ZFPM2: variants seen among roughly 807,000 people sequenced by gnomAD.
The protein encoded by ZFPM2 is zinc finger protein ZFPM2.
In ZFPM2, 20 loss-of-function variants were observed where a neutral mutation model predicts 98.6. The ratio of observed to expected loss-of-function variants is 0.20; its 90% CI spans 0.14 to 0.29. The LOEUF is 0.29. Among genes scored for constraint, ZFPM2 ranks in the 10% least tolerant of loss-of-function variants. ZFPM2 has a pLI of 1.00. For missense variants in ZFPM2, 1,310 were observed against 1,388.6 expected (o/e 0.94, Z 0.90); for synonymous variants, 518 against 502.7 (o/e 1.03, Z -0.41).
rs865968563 is a variant in ZFPM2 at position 105,665,728 on chromosome 8, C to T, written c.532+31371C>T. ...CTATTCCTGGCTCCCCATTTATTAG[C>T]GATGAGGCCTAATGTAAATTATCAA... On this transcript the variant is annotated intron_variant, in intron 5 of 7. Coordinates refer to ENST00000407775, the MANE Select transcript of ZFPM2 (RefSeq NM_012082.4). Among the ~76,000 whole-genome samples the T allele has an allele frequency of 2.6e-5, 4 of 152,228 alleles. No individual in the cohort carries two copies. In the South Asian group the frequency reaches 8.3e-4, roughly 32 times the overall value.
At chr8:105,784,272 CT>C (rs1176037694) in intron 5 of ZFPM2, among the ~76,000 whole-genome samples, 5 of 152,170 alleles carry the variant, frequency 3.3e-5, no homozygotes, top group African/African-American at 1.2e-4. Flanking sequence ...GAAACTGGCT[CT>C]CCTGCCCCTT....
At chr8:105,400,454 C>T (rs1811317988) in intron 1 of ZFPM2, among the ~76,000 whole-genome samples, 1 of 152,042 alleles carries the variant, frequency 6.6e-6, no homozygotes, top group Non-Finnish European at 1.5e-5. Context: ...TGATATTCCC[C>T]TTCCTGTGTC....
At chr8:105,344,242 C>T (rs1401599092) in intron 1 of ZFPM2, among the ~76,000 whole-genome samples, 1 of 152,082 alleles carries the variant, frequency 6.6e-6, no homozygotes, top group African/African-American at 2.4e-5. Flanking sequence ...TATCACCTAT[C>T]AAATCCTTAT....
At chr8:105,407,003 G>A (rs1811473873) in intron 1 of ZFPM2, among the ~76,000 whole-genome samples, 1 of 151,828 alleles carries the variant, frequency 6.6e-6, no homozygotes, top group African/African-American at 2.4e-5. Context: ...GTGGTATGAT[G>A]TGCTGCTAGG....
chr8:105,499,020 C>T (rs1173418846), intron 3 of ZFPM2, among the ~76,000 whole-genome samples: 1 of 152,070 alleles, frequency 6.6e-6, no homozygotes, highest in Non-Finnish European at 1.5e-5. Flanking sequence ...AGACTTCTCC[C>T]CATTTCTGAG....
intron 5 of ZFPM2, among the ~76,000 whole-genome samples, chr8:105,739,007 A>G (rs1216772927): frequency 1.2e-4 from 19 of 152,066 alleles, no homozygotes; most frequent in Admixed American, 3.9e-4. Context: ...TGGGTTCCCA[A>G]CTCACACCGG....
At chr8:105,516,692 C>A (rs1002107692) in intron 3 of ZFPM2, among the ~76,000 whole-genome samples, 1 of 152,082 alleles carries the variant, frequency 6.6e-6, no homozygotes, top group Non-Finnish European at 1.5e-5. Context: ...CTAATTGCTT[C>A]CCTTTTCTTT....
chr8:105,563,305 A>C (rs759817029), intron 4 of ZFPM2, among the ~76,000 whole-genome samples: 1 of 152,206 alleles, frequency 6.6e-6, no homozygotes, highest in Admixed American at 6.5e-5. Context: ...TTCAACTAAA[A>C]GTAATGATTA....
At chr8:105,389,256 A>C (rs1811061861) in intron 1 of ZFPM2, among the ~76,000 whole-genome samples, 1 of 152,166 alleles carries the variant, frequency 6.6e-6, no homozygotes, top group Admixed American at 6.5e-5. Flanking sequence ...ATTGAAATCT[A>C]TTAGCATATA....
Position 105,798,832 on chromosome 8 carries a change from T to A in ZFPM2, c.848T>A (p.Val283Glu). ...CSGRQREAAP[V>E]SEENEDSAHQ... ...GGGAGGCAAAGAGAAGCTGCTCCGG[T>A]GTCAGAGGAAAATGAAGACAGTGCC... The change falls in exon 7 of 8, where the codon GTG (valine) becomes GAG (glutamate). Residue 283 changes from valine to glutamate, a missense_variant. Physicochemically the swap from Val to Glu is moderately radical, Grantham distance 121 (BLOSUM62 -2). Transcript: ENST00000407775. 6.2e-7 allele frequency: 1 copy of A among 1,613,918 alleles called. No homozygotes were observed. Among genetic ancestry groups the A allele is most frequent in the African/African-American group, 1.3e-5 (1 of 75,022 alleles).
intron 5 of ZFPM2, among the ~76,000 whole-genome samples, chr8:105,723,458 G>A (rs1811719819): frequency 6.6e-6 from 1 of 151,758 alleles, no homozygotes; most frequent in African/African-American, 2.4e-5. Flanking sequence ...AGACCACATA[G>A]ACTATTTCAA....
At chr8:105,729,907 A>G (rs946046310) in intron 5 of ZFPM2, among the ~76,000 whole-genome samples, 1 of 151,122 alleles carries the variant, frequency 6.6e-6, no homozygotes, top group African/African-American at 2.4e-5. Context: ...CATACTATAT[A>G]TATTAAATAT....
chr8:105,507,235 T>C (rs1444246787), intron 3 of ZFPM2, among the ~76,000 whole-genome samples: 1 of 152,206 alleles, frequency 6.6e-6, no homozygotes, highest in Non-Finnish European at 1.5e-5. Context: ...ACACGTGTCA[T>C]GTGTCTCTCA....
Position 105,801,776 on chromosome 8 carries a change from T to C in ZFPM2, c.1694T>C (p.Val565Ala). The C allele has an allele frequency of 6.2e-7, 1 of 1,613,984 alleles. No individual in the cohort carries two copies. Among genetic ancestry groups the C allele is most frequent in the Non-Finnish European group, 8.5e-7 (1 of 1,179,884 alleles). The change falls in exon 8 of 8, where the codon GTG becomes GCG. Residue 565 changes from valine (V) to alanine (A), a missense_variant. Coordinates refer to ENST00000407775, the MANE Select transcript of ZFPM2 (RefSeq NM_012082.4). ...ITFNNLDNYL[V>A]HKKHYCSSRW... The stretch of plus-strand genomic sequence containing the variant: ...TTCAATAATTTGGATAATTATCTAG[T>C]GCACAAAAAGCATTATTGCAGCAGC...
chr8:105,746,650 TA>T (rs61605377), intron 5 of ZFPM2, among the ~76,000 whole-genome samples: 14,522 of 110,522 alleles, frequency 0.13, 1,282 homozygotes, highest in Middle Eastern at 0.24. Flanking sequence ...GTTCTGTTTT[TA>T]AAAATTTTTT....
At position 105,803,960 on chromosome 8, in the gene ZFPM2, A is replaced by C. The variant is rs1387633710; in HGVS notation, c.*422A>C. 1 of 161,442 alleles carries C rather than the reference A, an allele frequency of 6.2e-6. No individual in the cohort carries two copies. Among genetic ancestry groups the C allele is most frequent in the Non-Finnish European group, 1.4e-5 (1 of 72,882 alleles). The allele number at this position is 161,442 out of a possible 1,614,324, so 10.0% of individuals were successfully genotyped here. A position where few individuals can be genotyped will look rare whatever the true frequency, so the allele number is the denominator to read the frequency against. On this transcript the variant is annotated 3_prime_UTR_variant, in exon 8 of 8. Transcript: ENST00000407775. ...TTTTTTCTTATATGCTGTTGCAGAT[A>C]TATGTATATGCTAAAATATAACTTG...
chr8:105,534,089 CCCTCCCTCCCTT>C (rs1366175383), intron 3 of ZFPM2, among the ~76,000 whole-genome samples: 2 of 23,320 alleles, frequency 8.6e-5, no homozygotes, highest in African/African-American at 4.7e-4. Context: ...CCATCTTCCT[CCCTCCCTCCCTT>C]CCTCCCTTCC....
At chr8:105,373,825 G>A (rs372758729) in intron 1 of ZFPM2, among the ~76,000 whole-genome samples, 2 of 152,248 alleles carry the variant, frequency 1.3e-5, no homozygotes, top group East Asian at 3.9e-4. Flanking sequence ...GGAAAGGAAA[G>A]CTCTTAACTG....
At chr8:105,412,936 C>G (rs1811605867) in intron 1 of ZFPM2, among the ~76,000 whole-genome samples, 1 of 151,766 alleles carries the variant, frequency 6.6e-6, no homozygotes, top group Non-Finnish European at 1.5e-5. Context: ...CTAAGAGCCA[C>G]AAGATATGCC....
Sources: gnomAD v4.1 joint callset for allele counts (sites outside exome capture counted in the v4.1 genomes callset) on GRCh38, gnomAD v4.1.1 for gene constraint, MANE v1.5 for transcripts, NCBI Gene and HGNC (gene_info 2026-07-23, HGNC 2026-07-21) for gene names.